The following CALN1 variants were observed in gnomAD, a reference collection of about 807,000 sequenced individuals.
CALN1 encodes the protein calneuron 1.
A neutral mutation model predicts 30.6 loss-of-function variants in CALN1; 17 were observed. That is an observed-to-expected ratio of 0.56 (90% CI 0.38 to 0.83). CALN1 has a LOEUF of 0.83. Ranked by LOEUF, CALN1 falls within the 40% of genes least tolerant of loss-of-function variation. The pLI is 0.00. For missense variants in CALN1, 291 were observed against 354.9 expected, an observed-to-expected ratio of 0.82 and a Z score of 1.45; for synonymous variants, 156 against 131.4, an observed-to-expected ratio of 1.19 and a Z score of -1.28.
At chr7:72,133,226 G>A (rs1809280170) in intron 3 of CALN1, among the ~76,000 whole-genome samples, 1 of 152,096 alleles carries the variant, frequency 6.6e-6, no homozygotes, top group African/African-American at 2.4e-5. Flanking sequence ...CGCGAGAAAT[G>A]TTCGTAATTT....
intron 3 of CALN1, among the ~76,000 whole-genome samples, chr7:72,243,406 A>G (rs1449423488): frequency 6.6e-6 from 1 of 152,168 alleles, no homozygotes; most frequent in Non-Finnish European, 1.5e-5. Context: ...CCATGATAAG[A>G]AGTAATTTTG....
At chr7:72,377,159 G>C (rs1804611151) in intron 2 of CALN1, among the ~76,000 whole-genome samples, 1 of 152,104 alleles carries the variant, frequency 6.6e-6, no homozygotes. Flanking sequence ...AGATTGTCTA[G>C]TCATGGTTCC....
chr7:71,846,971 T>C (rs1191874100), intron 5 of CALN1, among the ~76,000 whole-genome samples: 1 of 147,944 alleles, frequency 6.8e-6, no homozygotes, highest in Non-Finnish European at 1.5e-5. Context: ...TATACACACA[T>C]ATATACACAT....
chr7:72,080,031 G>GA (rs1371390958), intron 4 of CALN1, among the ~76,000 whole-genome samples: 1 of 151,778 alleles, frequency 6.6e-6, no homozygotes, highest in Non-Finnish European at 1.5e-5. Context: ...TCGGCCTCCC[G>GA]AAGTGCTGGG....
chr7:72,201,311 G>A (rs1791397607), intron 3 of CALN1, among the ~76,000 whole-genome samples: 1 of 152,146 alleles, frequency 6.6e-6, no homozygotes, highest in South Asian at 2.1e-4. Context: ...CTATTGTGCA[G>A]GGCACGGTGG....
chr7:71,907,716 G>A (rs1287005799), intron 5 of CALN1, among the ~76,000 whole-genome samples: 2 of 152,228 alleles, frequency 1.3e-5, no homozygotes, highest in African/African-American at 4.8e-5. Flanking sequence ...CAGGAACAAT[G>A]CATAGTGCCC....
At chr7:72,033,778 C>A (rs543032740) in intron 4 of CALN1, among the ~76,000 whole-genome samples, 1 of 152,218 alleles carries the variant, frequency 6.6e-6, no homozygotes, top group African/African-American at 2.4e-5. Context: ...GTAGAACCTG[C>A]CCAGGCTTGG....
rs192046043 is a variant in CALN1, at chr7:72,259,739, A to C, written c.244+18947T>G. Among the ~76,000 whole-genome samples the C allele has an allele frequency of 6.2e-3, 937 of 152,216 alleles. 15 individuals carry two copies. The highest frequency in any genetic ancestry group is 0.021 in the African/African-American group (888 of 41,550). On this transcript the variant is annotated intron_variant, in intron 3 of 6. Transcript: ENST00000395275. ...AACACAGCAAGGGTCTGTATTTTTA[A>C]ATTCCCATGCCAACTTCTCCCCAAC...
Position 72,275,700 on chromosome 7 carries a change from A to C in CALN1, c.244+2986T>G, listed in dbSNP as rs941530782. On this transcript the variant is annotated intron_variant, in intron 3 of 6. Transcript: ENST00000395275. ...AACTACCCCAAGGCTGCCAATGCTC[A>C]GGCTGCCAGCCTGGGCTTGGAGGGC... is the stretch of plus-strand genomic sequence containing the variant. 7.2e-5 allele frequency among the ~76,000 whole-genome samples: 11 copies of C among 152,208 alleles called. 1 individual carries two copies. The highest frequency in any genetic ancestry group is 1.5e-5 in the Non-Finnish European group (1 of 68,042).
At chr7:72,034,636 A>AAATT (rs1562995980) in intron 4 of CALN1, among the ~76,000 whole-genome samples, 1 of 151,676 alleles carries the variant, frequency 6.6e-6, no homozygotes, top group Non-Finnish European at 1.5e-5. Flanking sequence ...TAAAACACAA[A>AAATT]AATTAGCCAG....
intron 6 of CALN1, among the ~76,000 whole-genome samples, chr7:71,792,830 A>G (rs1786651706): frequency 6.6e-6 from 1 of 151,940 alleles, no homozygotes; most frequent in African/African-American, 2.4e-5. Flanking sequence ...GCTGAGGGAG[A>G]AAGTTTTTGC....
At chr7:71,789,078 C>G (rs1316803344) in intron 6 of CALN1, among the ~76,000 whole-genome samples, 6 of 150,718 alleles carry the variant, frequency 4.0e-5, no homozygotes, top group African/African-American at 1.5e-4. Context: ...GTTGGGATTA[C>G]AGGCATGAGC....
intron 2 of CALN1, among the ~76,000 whole-genome samples, chr7:72,383,337 A>G (rs1221751776): frequency 6.6e-6 from 1 of 152,210 alleles, no homozygotes; most frequent in Non-Finnish European, 1.5e-5. Flanking sequence ...AGAAATCTCC[A>G]AACTGCTTTC....
intron 4 of CALN1, among the ~76,000 whole-genome samples, chr7:72,073,193 G>C (rs746056445): frequency 1.2e-4 from 18 of 152,156 alleles, no homozygotes; most frequent in Non-Finnish European, 2.5e-4. Context: ...GATACTTACA[G>C]AGTAGTCAAA....
At chr7:71,819,448 C>A (rs956237868) in intron 5 of CALN1, among the ~76,000 whole-genome samples, 2 of 152,142 alleles carry the variant, frequency 1.3e-5, no homozygotes, top group East Asian at 3.9e-4. Context: ...AAGTGATCTG[C>A]CCGCCTTGGC....
chr7:72,239,327 G>A (rs966671744), intron 3 of CALN1, among the ~76,000 whole-genome samples: 4 of 152,084 alleles, frequency 2.6e-5, no homozygotes, highest in African/African-American at 7.2e-5. Context: ...GAGCTCAGGA[G>A]TGAGGCTATA....
rs539865615 is a variant in CALN1, at chr7:72,298,922, G to A, written c.120-20112C>T. ...TCCTTGCTTTCCTCCGTGATTGTGA[G>A]GCCTCCCCAGCCATGTAGAACTGTA... On this transcript the variant is annotated intron_variant, in intron 2 of 6. Coordinates refer to ENST00000395275, the MANE Select transcript of CALN1 (RefSeq NM_031468.4). Among the ~76,000 whole-genome samples the A allele has an allele frequency of 6.6e-5, 10 of 152,180 alleles. No individual in the cohort carries two copies. In the South Asian group the frequency reaches 2.1e-3, roughly 32 times the overall value.
intron 5 of CALN1, among the ~76,000 whole-genome samples, chr7:71,870,919 G>T (rs192180794): frequency 6.6e-6 from 1 of 152,200 alleles, no homozygotes; most frequent in African/African-American, 2.4e-5. Flanking sequence ...CTATTCTGGA[G>T]TCCCACCATA....
intron 2 of CALN1, among the ~76,000 whole-genome samples, chr7:72,350,445 C>A (rs112744818): frequency 0.025 from 3,803 of 152,284 alleles, 182 homozygotes; most frequent in African/African-American, 0.087. Context: ...GAATACTACT[C>A]AGCCATAAAA....
Sources: allele counts gnomAD v4.1 joint callset (sites outside exome capture counted in the v4.1 genomes callset), GRCh38; gene constraint gnomAD v4.1.1; transcripts MANE v1.5; gene names NCBI Gene and HGNC (gene_info 2026-07-23, HGNC 2026-07-21).